Variants in MLLT10 observed in about 807,000 individuals in gnomAD.
The protein encoded by MLLT10 is protein AF-10.
In MLLT10, 30 loss-of-function variants were observed where a neutral mutation model predicts 129.1. The observed-to-expected ratio is 0.23, with a 90% CI of 0.17 to 0.32. The LOEUF is 0.32. Among genes scored for constraint, MLLT10 ranks in the 10% least tolerant of loss-of-function variants. The probability of loss-of-function intolerance (pLI) is 1.00; values close to 1 mark genes in which losing one functional copy is unlikely to be tolerated. For missense variants in MLLT10, 1,119 were observed against 1,268.3 expected (o/e 0.88, Z 1.79); for synonymous variants, 490 against 446.4 (o/e 1.10, Z -1.23).
intron 3 of MLLT10, among the ~76,000 whole-genome samples, chr10:21,563,906 A>G (rs2039186491): frequency 6.6e-6 from 1 of 151,676 alleles, no homozygotes; most frequent in African/African-American, 2.4e-5. Flanking sequence ...TCCACCTCCC[A>G]GGTTCACACC....
rs113235479 is a variant in MLLT10 at position 21,654,333 on chromosome 10, T to C, written c.795+2565T>C. On this transcript the variant is annotated intron_variant, in intron 9 of 22. Coordinates refer to ENST00000307729, the MANE Select transcript of MLLT10 (RefSeq NM_001195626.3). ...ATGTTAGGTACACTAATAGGAATGA[T>C]TCAGTAGAGAGGAGGAATAATGAAA... Among the ~76,000 whole-genome samples, 641 of 152,218 alleles carry C rather than the reference T, an allele frequency of 4.2e-3. 1 individual carries two copies. The highest frequency in any genetic ancestry group is 6.6e-3 in the Non-Finnish European group (451 of 68,014).
At chr10:21,738,655 T>C (rs2058581375) in intron 21 of MLLT10, 5 of 763,784 alleles carry the variant, frequency 6.5e-6, no homozygotes, top group Non-Finnish European at 6.4e-6. Context: ...CTAAATCCAG[T>C]GGTCCCTTCT....
rs370941962 is a variant in MLLT10, at chr10:21,735,127, A to T, written c.2859-12A>T. 1.2e-5 allele frequency: 20 copies of T among 1,602,580 alleles called. No individual in the cohort carries two copies. The highest frequency in any genetic ancestry group is 1.5e-5 in the Non-Finnish European group (18 of 1,172,176). On this transcript the variant is annotated splice_polypyrimidine_tract_variant and intron_variant, in intron 20 of 22. Coordinates refer to ENST00000307729, the MANE Select transcript of MLLT10 (RefSeq NM_001195626.3). The stretch of plus-strand genomic sequence containing the variant: ...TGTGTAGTAAAAAGTAAGAATTGTA[A>T]TCATTTTTCAGTGCCTCAGGACTAG...
chr10:21,547,727 T>A (rs1588850948), intron 3 of MLLT10, among the ~76,000 whole-genome samples: 1 of 151,940 alleles, frequency 6.6e-6, no homozygotes, highest in Non-Finnish European at 1.5e-5. Flanking sequence ...TTAATAGAGA[T>A]GGGGTTTCAC....
intron 3 of MLLT10, among the ~76,000 whole-genome samples, chr10:21,580,556 C>G (rs2041298836): frequency 6.6e-6 from 1 of 151,086 alleles, no homozygotes; most frequent in Non-Finnish European, 1.5e-5. Flanking sequence ...GCCTGGCTAA[C>G]TTTTTTTGTA....
intron 3 of MLLT10, among the ~76,000 whole-genome samples, chr10:21,543,699 G>A (rs369719161): frequency 1.3e-5 from 2 of 151,994 alleles, no homozygotes; most frequent in Non-Finnish European, 2.9e-5. Context: ...GACTGATCTC[G>A]AACTGCTGAC....
At chr10:21,549,132 T>C (rs1394839105) in intron 3 of MLLT10, among the ~76,000 whole-genome samples, 1 of 151,184 alleles carries the variant, frequency 6.6e-6, no homozygotes, top group Non-Finnish European at 1.5e-5. Flanking sequence ...CTTTTTTTTT[T>C]TTTTTTTTTA....
chr10:21,674,088 T>C (rs1175461711), intron 11 of MLLT10, among the ~76,000 whole-genome samples, 169 bp downstream of exon 11: 7 of 152,236 alleles, frequency 4.6e-5, no homozygotes. Flanking sequence ...TACAAAAATA[T>C]CTTAAAGTCT....
At chr10:21,539,031 G>C in intron 3 of MLLT10, 119 bp downstream of exon 3, 1 of 621,614 alleles carries the variant, frequency 1.6e-6, no homozygotes, top group Non-Finnish European at 2.7e-6. Context: ...TAATGTAAGA[G>C]ATAATTTAGG....
intron 3 of MLLT10, among the ~76,000 whole-genome samples, chr10:21,542,998 G>A (rs1214854440): frequency 2.0e-5 from 3 of 148,394 alleles, no homozygotes; most frequent in South Asian, 4.3e-4. Context: ...TTGCTGTGTT[G>A]CCCAGGCTGG....
At chr10:21,578,536 C>A (rs1285771258) in intron 3 of MLLT10, among the ~76,000 whole-genome samples, 1 of 152,082 alleles carries the variant, frequency 6.6e-6, no homozygotes, top group African/African-American at 2.4e-5. Context: ...TGTTGTTTAA[C>A]CGAGTCCTAA....
intron 4 of MLLT10, among the ~76,000 whole-genome samples, chr10:21,595,010 A>T (rs945447283): frequency 2.0e-5 from 3 of 152,216 alleles, no homozygotes; most frequent in African/African-American, 7.2e-5. Context: ...AACTCCTTTT[A>T]TAGTGGTTCT....
chr10:21,721,131 C>T (rs1337759364), intron 14 of MLLT10, among the ~76,000 whole-genome samples: 2 of 152,066 alleles, frequency 1.3e-5, no homozygotes, highest in Non-Finnish European at 2.9e-5. Flanking sequence ...GGCTGAAAAG[C>T]TTGAAGCAGC....
intron 9 of MLLT10, chr10:21,668,823 A>G: frequency 1.1e-6 from 1 of 949,076 alleles, no homozygotes; most frequent in South Asian, 2.6e-5. Flanking sequence ...TACTCTACCC[A>G]ATTTTCTCTC....
chr10:21,548,509 A>G (rs1305739499), intron 3 of MLLT10, among the ~76,000 whole-genome samples: 3 of 151,826 alleles, frequency 2.0e-5, no homozygotes, highest in East Asian at 1.9e-4. Context: ...AGCTGGGAAT[A>G]CAGGTGCCCG....
intron 3 of MLLT10, among the ~76,000 whole-genome samples, chr10:21,565,559 G>A (rs151188350): frequency 1.6e-3 from 248 of 150,442 alleles, no homozygotes; most frequent in Middle Eastern, 3.5e-3. Context: ...TGCCTTCCTC[G>A]GCCTCCCAAA....
intron 13 of MLLT10, among the ~76,000 whole-genome samples, chr10:21,689,487 G>A (rs2053603823): frequency 6.7e-6 from 1 of 148,334 alleles, no homozygotes; most frequent in African/African-American, 2.5e-5. Context: ...CTTAGTCTGA[G>A]GTATGTACAG....
intron 5 of MLLT10, among the ~76,000 whole-genome samples, chr10:21,602,967 G>C (rs1451295539): frequency 6.6e-6 from 1 of 151,662 alleles, no homozygotes; most frequent in Non-Finnish European, 1.5e-5. Flanking sequence ...CTCCTGACCT[G>C]GTGATCCACC....
chr10:21,598,108 C>T (rs1216361277), intron 5 of MLLT10, among the ~76,000 whole-genome samples: 3 of 152,180 alleles, frequency 2.0e-5, no homozygotes, highest in Non-Finnish European at 4.4e-5. Context: ...TAGTGGTTTT[C>T]TAATTTCACC....
Sources: allele counts gnomAD v4.1 joint callset (sites outside exome capture counted in the v4.1 genomes callset), GRCh38; gene constraint gnomAD v4.1.1; transcripts MANE v1.5; gene names NCBI Gene and HGNC (gene_info 2026-07-23, HGNC 2026-07-21).